Variants in PARD3 observed in about 807,000 individuals in gnomAD.
PARD3 encodes partitioning defective 3 homolog.
Under a neutral mutation model 155.4 loss-of-function variants are expected in PARD3, and 75 were observed. The observed-to-expected ratio is 0.48, with a 90% confidence interval of 0.40 to 0.58. PARD3 has a LOEUF of 0.58. Ranked by LOEUF, PARD3 falls within the 20% of genes least tolerant of loss-of-function variation. PARD3 has a pLI of 0.00. For synonymous variants in PARD3, 576 were observed against 610.5 expected, an observed-to-expected ratio of 0.94 and a Z score of 0.83; for missense variants, 1,642 against 1,721.7, an observed-to-expected ratio of 0.95 and a Z score of 0.82.
intron 12 of PARD3, 94 bp from the exon 13 acceptor site, chr10:34,360,353 T>G (rs1339766233): frequency 2.4e-6 from 2 of 828,130 alleles, no homozygotes; most frequent in African/African-American, 3.4e-5. Flanking sequence ...TCCTTAATCA[T>G]AAGAGGCAAA....
chr10:34,124,282 A>G (rs1426360247), intron 23 of PARD3, among the ~76,000 whole-genome samples: 2 of 152,232 alleles, frequency 1.3e-5, no homozygotes, highest in African/African-American at 4.8e-5. Flanking sequence ...TGCTGATGAC[A>G]AAAAGACTAA....
At chr10:34,431,486 A>T (rs540983236) in intron 5 of PARD3, among the ~76,000 whole-genome samples, 1 of 152,298 alleles carries the variant, frequency 6.6e-6, no homozygotes, top group East Asian at 1.9e-4. Context: ...TCACGCCTGT[A>T]ATCCCAGCAC....
At chr10:34,252,365 T>A (rs928247471) in intron 22 of PARD3, among the ~76,000 whole-genome samples, 1 of 151,702 alleles carries the variant, frequency 6.6e-6, no homozygotes, top group Non-Finnish European at 1.5e-5. Context: ...AGAATTTGCC[T>A]GGGCTGCCAA....
At position 34,377,987 on chromosome 10, in the gene PARD3, C is replaced by T; in HGVS notation, c.1519G>A (p.Ala507Thr). The stretch of plus-strand genomic sequence containing the variant: ...CTTACCTCTATAAGTCTGTCTCCTG[C>T]CTTAAGTCGGCCATCCTGAATGGCC... The part of the protein sequence containing the change: ...GAAIQDGRLK[A>T]GDRLIEVNGV... The change falls in exon 10 of 25, where the codon GCA (alanine) becomes ACA (threonine). Residue 507 changes from alanine (A) to threonine (T), a missense_variant. Around this residue, in one of 3 missense-constraint regions of PARD3, gnomAD observed 1,529 missense variants for 1,587.3 expected, o/e 0.96. Transcript: ENST00000374788. 6.3e-7 allele frequency: 1 copy of T among 1,584,418 alleles called. No individual in the cohort carries two copies. The highest frequency in any genetic ancestry group is 2.4e-5 in the East Asian group (1 of 42,084).
At position 34,220,907 on chromosome 10, in the gene PARD3, A is replaced by G. The variant is rs533584451; in HGVS notation, c.3419+48750T>C. Reference sequence around the variant, plus strand: ...GCATTACATCTGGGATAGCAGCGGGAGAGCTATTGAATGTGAGGAAAGGGC... The same window carrying G: ...GCATTACATCTGGGATAGCAGCGGGGGAGCTATTGAATGTGAGGAAAGGGC... On this transcript the variant is annotated intron_variant, in intron 22 of 24. Coordinates refer to ENST00000374788, the MANE Select transcript of PARD3 (RefSeq NM_001184785.2). Among the ~76,000 whole-genome samples, 5 of 152,244 alleles carry G rather than the reference A, an allele frequency of 3.3e-5. No individual in the cohort carries two copies. In the East Asian group the frequency reaches 9.7e-4, roughly 29 times the overall value.
intron 10 of PARD3, among the ~76,000 whole-genome samples, chr10:34,377,486 G>A (rs1016038739): frequency 6.6e-6 from 1 of 152,030 alleles, no homozygotes; most frequent in Admixed American, 6.6e-5. Context: ...GCTACCAGGG[G>A]GGCTGAGGCA....
At chr10:34,650,955 G>A (rs1044152034) in intron 2 of PARD3, among the ~76,000 whole-genome samples, 6 of 141,124 alleles carry the variant, frequency 4.3e-5, no homozygotes, top group Non-Finnish European at 7.6e-5. Flanking sequence ...AGGTTGTGGT[G>A]AGCCGAGATT....
At chr10:34,776,750 C>T (rs910561878) in intron 1 of PARD3, among the ~76,000 whole-genome samples, 1 of 148,426 alleles carries the variant, frequency 6.7e-6, no homozygotes. Context: ...TCCTCCCATC[C>T]GAATTCCACC....
chr10:34,160,756 C>T (rs1001396695), intron 22 of PARD3, among the ~76,000 whole-genome samples: 7 of 152,108 alleles, frequency 4.6e-5, no homozygotes, highest in Non-Finnish European at 8.8e-5. Flanking sequence ...AAACTTTGAC[C>T]GTTCACAGTA....
chr10:34,392,731 C>A (rs1564661510), intron 7 of PARD3, among the ~76,000 whole-genome samples: 1 of 151,990 alleles, frequency 6.6e-6, no homozygotes, highest in Non-Finnish European at 1.5e-5. Context: ...CAAGGACATG[C>A]ACTGCTGGGA....
chr10:34,293,173 T>C (rs2133978808), intron 20 of PARD3, among the ~76,000 whole-genome samples: 1 of 152,294 alleles, frequency 6.6e-6, no homozygotes, highest in East Asian at 1.9e-4. Flanking sequence ...ATAATACATA[T>C]AATCTATACT....
chr10:34,134,546 C>G (rs188447165), intron 22 of PARD3, among the ~76,000 whole-genome samples: 3 of 152,318 alleles, frequency 2.0e-5, no homozygotes, highest in Admixed American at 2.0e-4. Context: ...TCTGGTGACA[C>G]TGGTGTTTTT....
At chr10:34,671,538 G>C (rs1321799627) in intron 2 of PARD3, among the ~76,000 whole-genome samples, 1 of 152,102 alleles carries the variant, frequency 6.6e-6, no homozygotes, top group Non-Finnish European at 1.5e-5. Context: ...TCACAGCAAT[G>C]AATACAATCT....
chr10:34,261,166 A>G (rs1363064040), intron 22 of PARD3, among the ~76,000 whole-genome samples: 1 of 152,196 alleles, frequency 6.6e-6, no homozygotes, highest in Non-Finnish European at 1.5e-5. Flanking sequence ...AAATGATTGC[A>G]TAGTGACAGT....
At chr10:34,573,657 A>G (rs2086616971) in intron 2 of PARD3, among the ~76,000 whole-genome samples, 1 of 151,704 alleles carries the variant, frequency 6.6e-6, no homozygotes, top group Admixed American at 6.6e-5. Context: ...CAGTAAGCCG[A>G]GATCATGCCA....
intron 1 of PARD3, among the ~76,000 whole-genome samples, chr10:34,722,081 A>G (rs746103515): frequency 1.3e-5 from 2 of 152,064 alleles, no homozygotes; most frequent in South Asian, 2.1e-4. Flanking sequence ...AGTCCCAGCT[A>G]CTCCAGAGGC....
chr10:34,589,233 T>G (rs368816900), intron 2 of PARD3, among the ~76,000 whole-genome samples: 2 of 152,206 alleles, frequency 1.3e-5, no homozygotes, highest in African/African-American at 4.8e-5. Context: ...AGTGTACCCT[T>G]AAATTCATTT....
intron 9 of PARD3, among the ~76,000 whole-genome samples, chr10:34,378,639 A>G (rs189493159): frequency 9.5e-4 from 145 of 152,318 alleles, no homozygotes; most frequent in Non-Finnish European, 7.3e-4. Flanking sequence ...GTTTACTAAG[A>G]GGATAAACCA....
intron 5 of PARD3, among the ~76,000 whole-genome samples, chr10:34,431,740 CAAAA>C (rs57001926): frequency 1.3e-3 from 33 of 25,192 alleles, no homozygotes; most frequent in Admixed American, 8.3e-3. Context: ...AACTCTGTCT[CAAAA>C]AAAAAAAAAA....
Sources: gnomAD v4.1 joint callset for allele counts (sites outside exome capture counted in the v4.1 genomes callset) on GRCh38, gnomAD v4.1.1 for gene constraint, gnomAD v4.1.1 regional missense constraint, MANE v1.5 for transcripts, NCBI Gene and HGNC (gene_info 2026-07-23, HGNC 2026-07-21) for gene names.